Variants in PTPRD observed in about 807,000 individuals in gnomAD.
PTPRD encodes receptor-type tyrosine-protein phosphatase delta.
PTPRD carries 34 observed loss-of-function variants against 214.5 expected under a neutral mutation model. The ratio of observed to expected loss-of-function variants is 0.16; its 90% CI spans 0.12 to 0.21. The LOEUF (loss-of-function observed/expected upper bound fraction) is 0.21, where lower values mean the gene tolerates loss of function less well. Ranked by LOEUF, PTPRD falls within the 10% of genes least tolerant of loss-of-function variation. The pLI is 1.00. For missense variants in PTPRD, 2,545 were observed against 2,398.7 expected, an observed-to-expected ratio of 1.06 and a Z score of -1.27; for synonymous variants, 1,128 against 845.7, an observed-to-expected ratio of 1.33 and a Z score of -5.79.
At chr9:8,622,862 G>A (rs1304270166) in intron 14 of PTPRD, among the ~76,000 whole-genome samples, 1 of 151,856 alleles carries the variant, frequency 6.6e-6, no homozygotes, top group African/African-American at 2.4e-5. Context: ...ATTTTGGCTG[G>A]TAGCAGCGGC....
At chr9:9,150,768 G>A (rs563368592) in intron 10 of PTPRD, among the ~76,000 whole-genome samples, 22 of 152,074 alleles carry the variant, frequency 1.4e-4, no homozygotes, top group African/African-American at 3.4e-4. Flanking sequence ...GCCAACAACC[G>A]GCCTGAAACT....
rs2135982450 is a variant in PTPRD at position 8,486,347 on chromosome 9, G to A, written c.2470C>T (p.Pro824Ser). The A allele has an allele frequency of 6.2e-7, 1 of 1,613,836 alleles. No individual in the cohort carries two copies. The highest frequency in any genetic ancestry group is 8.5e-7 in the Non-Finnish European group (1 of 1,179,780). Residue 824 changes from proline to serine, a missense_variant and splice_region_variant, in exon 28 of 46, where the codon CCA (proline) becomes TCA (serine). Coordinates refer to ENST00000381196, the MANE Select transcript of PTPRD (RefSeq NM_002839.4). ...TTAATCACAAGCCGAGGTTTCCCTG[G>A]AACTGGAGCACATGGGATGGAGTGG... is the stretch of plus-strand genomic sequence containing the variant. ...PKLVSTTGAV[P>S]GKPRLVINHT... is the part of the protein sequence containing the mutation.
chr9:8,343,410 G>C (rs977476007), intron 39 of PTPRD, among the ~76,000 whole-genome samples: 8 of 152,002 alleles, frequency 5.3e-5, no homozygotes, highest in Non-Finnish European at 8.8e-5. Context: ...CTGAGACAGA[G>C]AGTCCTACAA....
At chr9:8,561,539 T>C (rs2141279748) in intron 14 of PTPRD, among the ~76,000 whole-genome samples, 1 of 152,132 alleles carries the variant, frequency 6.6e-6, no homozygotes, top group East Asian at 1.9e-4. Context: ...GCCAAGCCGG[T>C]GTACAAGCGA....
At chr9:9,743,956 C>T (rs1175982366) in intron 6 of PTPRD, among the ~76,000 whole-genome samples, 1 of 152,110 alleles carries the variant, frequency 6.6e-6, no homozygotes, top group Non-Finnish European at 1.5e-5. Flanking sequence ...ATAACCTACA[C>T]CTCCTATATC....
chr9:9,522,072 G>C (rs144974529), intron 8 of PTPRD, among the ~76,000 whole-genome samples: 14 of 148,790 alleles, frequency 9.4e-5, no homozygotes, highest in Admixed American at 6.9e-4. Context: ...CAGGAGAATC[G>C]CTTGAAACTG....
At chr9:9,456,256 T>G (rs542927748) in intron 8 of PTPRD, among the ~76,000 whole-genome samples, 19 of 151,856 alleles carry the variant, frequency 1.3e-4, no homozygotes, top group African/African-American at 3.9e-4. Flanking sequence ...GGAGTTAGAG[T>G]GGACTGATCT....
intron 11 of PTPRD, among the ~76,000 whole-genome samples, chr9:8,752,220 T>A (rs1006225451): frequency 6.6e-6 from 1 of 152,060 alleles, no homozygotes; most frequent in Admixed American, 6.5e-5. Context: ...AAGATACAGG[T>A]CATAAAGATC....
At chr9:10,129,400 T>A (rs773134050) in intron 3 of PTPRD, among the ~76,000 whole-genome samples, 2 of 152,130 alleles carry the variant, frequency 1.3e-5, no homozygotes, top group Non-Finnish European at 2.9e-5. Flanking sequence ...CTGTTTTCAC[T>A]GCTGTTCCTA....
chr9:8,321,971 T>C (rs1276925282), intron 44 of PTPRD, among the ~76,000 whole-genome samples: 1 of 152,142 alleles, frequency 6.6e-6, no homozygotes, highest in Non-Finnish European at 1.5e-5. Flanking sequence ...TGGTAATTCT[T>C]GTAATATTTC....
intron 12 of PTPRD, among the ~76,000 whole-genome samples, chr9:8,667,329 A>G (rs1277689101): frequency 6.6e-6 from 1 of 152,186 alleles, no homozygotes; most frequent in African/African-American, 2.4e-5. Flanking sequence ...ACAAGAGCAA[A>G]ACGTCGTCTC....
At chr9:10,610,353 T>C (rs889046165) in intron 2 of PTPRD, among the ~76,000 whole-genome samples, 3 of 152,170 alleles carry the variant, frequency 2.0e-5, no homozygotes, top group Non-Finnish European at 4.4e-5. Context: ...CTTACAAATA[T>C]TTGCTTTCAG....
chr9:9,417,754 A>C (rs1429810370), intron 8 of PTPRD, among the ~76,000 whole-genome samples: 1 of 152,046 alleles, frequency 6.6e-6, no homozygotes, highest in African/African-American at 2.4e-5. Flanking sequence ...TTCAAAACTC[A>C]AGTTTTGTCA....
chr9:8,961,614 C>T (rs116773637), intron 11 of PTPRD, among the ~76,000 whole-genome samples: 2,734 of 152,190 alleles, frequency 0.018, 78 homozygotes, highest in African/African-American at 0.06. Flanking sequence ...AACTGAGCAA[C>T]CACTGTGGCT....
intron 11 of PTPRD, among the ~76,000 whole-genome samples, chr9:8,978,941 A>G (rs575300208): frequency 6.6e-6 from 1 of 152,240 alleles, no homozygotes; most frequent in African/African-American, 2.4e-5. Flanking sequence ...TTTGAACGAC[A>G]TTCATTTGAA....
chr9:9,109,777 C>T (rs1198145359), intron 10 of PTPRD, among the ~76,000 whole-genome samples: 2 of 152,064 alleles, frequency 1.3e-5, no homozygotes, highest in African/African-American at 2.4e-5. Flanking sequence ...TTAATATCAA[C>T]ATTTATTTTC....
chr9:10,099,131 T>A (rs930370021), intron 3 of PTPRD, among the ~76,000 whole-genome samples: 4 of 151,748 alleles, frequency 2.6e-5, no homozygotes, highest in African/African-American at 9.7e-5. Context: ...GACTAGTAGT[T>A]TTTGTTATGG....
chr9:8,903,310 T>C (rs1413759223), intron 11 of PTPRD, among the ~76,000 whole-genome samples: 1 of 152,180 alleles, frequency 6.6e-6, no homozygotes, highest in Admixed American at 6.5e-5. Context: ...CCACATGCTA[T>C]TACACTAAGC....
intron 11 of PTPRD, among the ~76,000 whole-genome samples, chr9:8,738,816 CATT>C (rs1158118574): frequency 2.0e-5 from 3 of 152,010 alleles, no homozygotes; most frequent in Admixed American, 1.3e-4. Context: ...AACTAGGTAT[CATT>C]GTTTATCTCT....
Sources: allele counts gnomAD v4.1 joint callset (sites outside exome capture counted in the v4.1 genomes callset), GRCh38; gene constraint gnomAD v4.1.1; transcripts MANE v1.5; gene names NCBI Gene and HGNC (gene_info 2026-07-23, HGNC 2026-07-21).